The following ANKS1B variants were observed in gnomAD, a reference collection of about 807,000 sequenced individuals.
ANKS1B encodes ankyrin repeat and sterile alpha motif domain containing 1B.
Under a neutral mutation model 148.3 loss-of-function variants are expected in ANKS1B, and 36 were observed. The ratio of observed to expected loss-of-function variants is 0.24; its 90% CI spans 0.19 to 0.32. The LOEUF is 0.32. Ranked by LOEUF, ANKS1B falls within the 10% of genes least tolerant of loss-of-function variation. The pLI, the probability that ANKS1B is intolerant of heterozygous loss-of-function variation, is 1.00. For missense variants in ANKS1B, 1,157 were observed against 1,542.6 expected (o/e 0.75, Z 4.19); for synonymous variants, 542 against 560.8 (o/e 0.97, Z 0.47).
At chr12:99,936,867 T>A (rs1036080491) in intron 1 of ANKS1B, among the ~76,000 whole-genome samples, 6 of 152,194 alleles carry the variant, frequency 3.9e-5, no homozygotes, top group African/African-American at 1.4e-4. Flanking sequence ...TATAACCTTA[T>A]TTGATGTATT....
intron 12 of ANKS1B, among the ~76,000 whole-genome samples, chr12:99,349,890 G>A (rs183308231): frequency 2.0e-5 from 3 of 152,082 alleles, no homozygotes; most frequent in Non-Finnish European, 4.4e-5. Context: ...ATACAACACT[G>A]TGAATATACT....
intron 17 of ANKS1B, among the ~76,000 whole-genome samples, chr12:99,013,595 AC>A (rs2099940712): frequency 6.6e-6 from 1 of 152,198 alleles, no homozygotes; most frequent in Non-Finnish European, 1.5e-5. Flanking sequence ...AGATGACATG[AC>A]TGTATATCTA....
chr12:99,065,634 CCATCCCATCCAT>C (rs1263044265), intron 16 of ANKS1B, among the ~76,000 whole-genome samples: 1,415 of 133,922 alleles, frequency 0.011, 13 homozygotes, highest in South Asian at 0.017. Context: ...ATCCATCCAT[CCATCCCATCCAT>C]CCATCCATCC....
intron 12 of ANKS1B, among the ~76,000 whole-genome samples, chr12:99,305,148 A>G (rs952455114): frequency 6.6e-6 from 1 of 151,918 alleles, no homozygotes; most frequent in Non-Finnish European, 1.5e-5. Context: ...TTTAACAATC[A>G]GTTCTCACAT....
At position 99,481,475 on chromosome 12, in the gene ANKS1B, C is replaced by G. The variant is rs1248405368; in HGVS notation, c.1438+23001G>C. On this transcript the variant is annotated intron_variant, in intron 10 of 26. Transcript: ENST00000683438. The stretch of plus-strand genomic sequence containing the variant: ...CACTTAGCTTGCTTCCACATCTTTG[C>G]AATTGTGAATTGTGCTGCTATAAAC... Among the ~76,000 whole-genome samples, 6 of 152,064 alleles carry G rather than the reference C, an allele frequency of 3.9e-5. No homozygotes were observed. In the East Asian group the frequency reaches 1.2e-3, roughly 29 times the overall value.
chr12:99,504,036 A>C (rs1412385853), intron 10 of ANKS1B, among the ~76,000 whole-genome samples: 1 of 152,148 alleles, frequency 6.6e-6, no homozygotes, highest in Non-Finnish European at 1.5e-5. Context: ...TGTAATGCAA[A>C]AAATAAAACA....
intron 9 of ANKS1B, among the ~76,000 whole-genome samples, chr12:99,625,307 G>A (rs548110800): frequency 6.6e-6 from 1 of 152,104 alleles, no homozygotes; most frequent in Admixed American, 6.6e-5. Context: ...ATGGGTGATA[G>A]GATCAATCAT....
intron 17 of ANKS1B, among the ~76,000 whole-genome samples, chr12:98,910,159 A>T (rs1451916094): frequency 6.6e-6 from 1 of 152,242 alleles, no homozygotes; most frequent in Non-Finnish European, 1.5e-5. Context: ...AGGGAAGCTA[A>T]AAGGAAATAT....
intron 12 of ANKS1B, among the ~76,000 whole-genome samples, chr12:99,315,238 C>CAA (rs797010918): frequency 3.4e-4 from 29 of 84,680 alleles, no homozygotes; most frequent in African/African-American, 7.7e-4. Flanking sequence ...GACTTCATCT[C>CAA]AAAAAAAAAA....
chr12:99,029,574 G>C (rs1171162363), intron 17 of ANKS1B, among the ~76,000 whole-genome samples: 1 of 152,236 alleles, frequency 6.6e-6, no homozygotes, highest in East Asian at 1.9e-4. Context: ...GGTGAGGAAA[G>C]TGAGAGCAGG....
At chr12:98,894,909 C>T in intron 17 of ANKS1B, 3 of 951,964 alleles carry the variant, frequency 3.2e-6, no homozygotes, top group Non-Finnish European at 2.5e-6. Context: ...CCCCCGCCCC[C>T]CGCGCGGCGC....
At chr12:99,646,581 G>C (rs889146808) in intron 9 of ANKS1B, among the ~76,000 whole-genome samples, 7 of 148,294 alleles carry the variant, frequency 4.7e-5, no homozygotes, top group African/African-American at 1.5e-4. Flanking sequence ...TTGAACCCAG[G>C]AGGCGGAGGT....
chr12:99,145,643 T>C (rs670104), intron 15 of ANKS1B, among the ~76,000 whole-genome samples: 100,659 of 151,864 alleles, frequency 0.66, 33,515 homozygotes, highest in African/African-American at 0.73. Flanking sequence ...AGATAAAGTC[T>C]CTCAAAGGAC....
chr12:99,573,195 T>C (rs1176714419), intron 9 of ANKS1B, among the ~76,000 whole-genome samples: 3 of 152,212 alleles, frequency 2.0e-5, no homozygotes, highest in Non-Finnish European at 2.9e-5. Context: ...TTTACTAATA[T>C]AGCTTTTTGT....
At chr12:99,010,340 A>ACAT (rs2099938581) in intron 17 of ANKS1B, among the ~76,000 whole-genome samples, 1 of 152,222 alleles carries the variant, frequency 6.6e-6, no homozygotes, top group Non-Finnish European at 1.5e-5. Flanking sequence ...GAGTTAACAC[A>ACAT]CATAAAATAC....
At chr12:99,327,073 T>C (rs1190988477) in intron 12 of ANKS1B, among the ~76,000 whole-genome samples, 3 of 132,924 alleles carry the variant, frequency 2.3e-5, no homozygotes, top group Non-Finnish European at 4.6e-5. Flanking sequence ...CAATATATAA[T>C]ATATTAATGT....
At chr12:98,930,576 T>C (rs1375957647) in intron 17 of ANKS1B, among the ~76,000 whole-genome samples, 4 of 152,152 alleles carry the variant, frequency 2.6e-5, no homozygotes, top group Non-Finnish European at 4.4e-5. Flanking sequence ...GTGGTGTATC[T>C]ATATGATGGG....
At chr12:99,953,917 G>C (rs1304447474) in intron 1 of ANKS1B, among the ~76,000 whole-genome samples, 2 of 152,158 alleles carry the variant, frequency 1.3e-5, no homozygotes, top group Non-Finnish European at 2.9e-5. Context: ...AATTTATAGA[G>C]AGTGAAAAAG....
intron 9 of ANKS1B, among the ~76,000 whole-genome samples, chr12:99,586,282 CA>C (rs1161817195): frequency 6.6e-6 from 1 of 152,182 alleles, no homozygotes; most frequent in Non-Finnish European, 1.5e-5. Context: ...ATCTCTAGGG[CA>C]GGGGCAAAAT....
Sources: gnomAD v4.1 joint callset for allele counts (sites outside exome capture counted in the v4.1 genomes callset) on GRCh38, gnomAD v4.1.1 for gene constraint, MANE v1.5 for transcripts, NCBI Gene and HGNC (gene_info 2026-07-23, HGNC 2026-07-21) for gene names.